The following CDYL2 variants were observed in gnomAD, a reference collection of about 807,000 sequenced individuals.
The protein encoded by CDYL2 is chromodomain Y like 2, also known as chromodomain Y-like protein 2.
In CDYL2, 23 loss-of-function variants were observed where a neutral mutation model predicts 49.4. That is an observed-to-expected ratio of 0.47 (90% CI 0.34 to 0.66). The LOEUF is 0.66. Ranked by LOEUF, CDYL2 falls within the 30% of genes least tolerant of loss-of-function variation. The pLI, the probability that CDYL2 is intolerant of heterozygous loss-of-function variation, is 0.01. For synonymous variants in CDYL2, 360 were observed against 268.8 expected (o/e 1.34, Z -3.32); for missense variants, 678 against 656.4 (o/e 1.03, Z -0.36).
chr16:80,604,965 T>G (rs563995283), intron 6 of CDYL2, among the ~76,000 whole-genome samples: 36 of 152,284 alleles, frequency 2.4e-4, no homozygotes, highest in African/African-American at 7.9e-4. Context: ...GAACGAATGG[T>G]TGTCACATAC....
intron 3 of CDYL2, among the ~76,000 whole-genome samples, chr16:80,622,557 T>G (rs1487270243): frequency 6.6e-6 from 1 of 152,204 alleles, no homozygotes; most frequent in East Asian, 1.9e-4. Flanking sequence ...TGCATCTCTC[T>G]TATTCTCCAG....
intron 1 of CDYL2, among the ~76,000 whole-genome samples, chr16:80,751,791 G>A (rs535837340): frequency 8.6e-4 from 131 of 152,360 alleles, no homozygotes; most frequent in Middle Eastern, 3.4e-3. Flanking sequence ...CTTAGGAAGA[G>A]AGGGATAATC....
chr16:80,761,647 C>T lies in CDYL2; in HGVS notation c.24+42503G>A, dbSNP rs376137579. ...CTGAGAGAGGCCAGGAAGACCAGAT[C>T]TTATAGGAGCCCCCAGGTGACTTAG... On this transcript the variant is annotated intron_variant, in intron 1 of 6. Coordinates refer to ENST00000570137, the MANE Select transcript of CDYL2 (RefSeq NM_152342.4). Among the ~76,000 whole-genome samples the T allele has an allele frequency of 4.5e-4, 68 of 152,132 alleles. No homozygotes were observed. The Middle Eastern group carries it at 0.01, about 23-fold the overall frequency.
intron 1 of CDYL2, among the ~76,000 whole-genome samples, chr16:80,753,338 G>GAA: frequency 6.6e-6 from 1 of 152,060 alleles, no homozygotes; most frequent in African/African-American, 2.4e-5. Context: ...GCCGGGCACG[G>GAA]TGGCTCACAC....
At chr16:80,705,958 A>T (rs930775412) in intron 1 of CDYL2, among the ~76,000 whole-genome samples, 4 of 152,254 alleles carry the variant, frequency 2.6e-5, no homozygotes, top group Non-Finnish European at 4.4e-5. Context: ...AAGGGAGAAA[A>T]GCATATATTG....
chr16:80,744,787 G>C (rs986233357), intron 1 of CDYL2, among the ~76,000 whole-genome samples: 3 of 152,190 alleles, frequency 2.0e-5, no homozygotes, highest in African/African-American at 7.2e-5. Context: ...CAGAGGAACA[G>C]AACGGTAATG....
chr16:80,757,547 A>ATAT (rs904058290), intron 1 of CDYL2, among the ~76,000 whole-genome samples: 8 of 145,088 alleles, frequency 5.5e-5, no homozygotes, highest in African/African-American at 1.9e-4. Flanking sequence ...TCAAAAAAAA[A>ATAT]AAAAAAATAT....
At chr16:80,700,069 C>G (rs1002301544) in intron 1 of CDYL2, among the ~76,000 whole-genome samples, 1 of 152,126 alleles carries the variant, frequency 6.6e-6, no homozygotes, top group Non-Finnish European at 1.5e-5. Context: ...CCATGTTAGC[C>G]AGGATGGTCT....
intron 2 of CDYL2, among the ~76,000 whole-genome samples, chr16:80,643,521 C>T (rs897540457): frequency 1.3e-5 from 2 of 152,244 alleles, no homozygotes; most frequent in African/African-American, 4.8e-5. Context: ...TTCTGCACGC[C>T]TTAGCAGAGG....
chr16:80,650,797 T>C (rs369893387), intron 2 of CDYL2, among the ~76,000 whole-genome samples: 1 of 151,950 alleles, frequency 6.6e-6, no homozygotes, highest in Non-Finnish European at 1.5e-5. Context: ...CATAAAAAAA[T>C]GAAATCCTGT....
chr16:80,798,023 T>C (rs1189288341), intron 1 of CDYL2, among the ~76,000 whole-genome samples: 1 of 152,284 alleles, frequency 6.6e-6, no homozygotes. Flanking sequence ...TGTTTTGTTG[T>C]TGTTGTTGTT....
chr16:80,796,474 G>T (rs1434647874), intron 1 of CDYL2, among the ~76,000 whole-genome samples: 2 of 152,124 alleles, frequency 1.3e-5, no homozygotes, highest in African/African-American at 2.4e-5. Context: ...ACTAAATGCG[G>T]CTGCAACAAA....
At chr16:80,721,871 C>A (rs928130650) in intron 1 of CDYL2, among the ~76,000 whole-genome samples, 4 of 152,152 alleles carry the variant, frequency 2.6e-5, no homozygotes, top group Non-Finnish European at 5.9e-5. Flanking sequence ...CCACCTCTCC[C>A]CAAACTCACT....
chr16:80,701,491 T>C (rs530147169), intron 1 of CDYL2, among the ~76,000 whole-genome samples: 1 of 152,324 alleles, frequency 6.6e-6, no homozygotes, highest in South Asian at 2.1e-4. Context: ...TGATTTCTGT[T>C]TTTAAAAATG....
chr16:80,763,335 G>GCATGGTT (rs1567599134), intron 1 of CDYL2, among the ~76,000 whole-genome samples: 4 of 149,508 alleles, frequency 2.7e-5, no homozygotes, highest in African/African-American at 7.4e-5. Flanking sequence ...CCAGGGCTGG[G>GCATGGTT]TGAGGTGGCT....
At position 80,798,842 on chromosome 16, in the gene CDYL2, T is replaced by C. The variant is rs142382742; in HGVS notation, c.24+5308A>G. ...AAATACATAATTGTGTTTATGGATG[T>C]TCATAACATCAATATTTATAATGGT... On this transcript the variant is annotated intron_variant, in intron 1 of 6. Coordinates refer to ENST00000570137, the MANE Select transcript of CDYL2 (RefSeq NM_152342.4). Among the ~76,000 whole-genome samples, 221 of 152,298 alleles carry C rather than the reference T, an allele frequency of 1.5e-3. 3 individuals carry two copies. In the East Asian group the frequency reaches 0.038, roughly 26 times the overall value.
At chr16:80,634,889 C>A (rs184017461) in intron 2 of CDYL2, among the ~76,000 whole-genome samples, 1 of 152,108 alleles carries the variant, frequency 6.6e-6, no homozygotes, top group African/African-American at 2.4e-5. Flanking sequence ...AAGAATTATA[C>A]CAAACATTTT....
rs140577684 is a variant in CDYL2 at position 80,696,540 on chromosome 16, C to A, written c.25-11411G>T. 2.6e-5 allele frequency among the ~76,000 whole-genome samples: 4 copies of A among 151,582 alleles called. No individual in the cohort carries two copies. The East Asian group carries it at 7.7e-4, about 29-fold the overall frequency. On this transcript the variant is annotated intron_variant, in intron 1 of 6. Coordinates refer to ENST00000570137, the MANE Select transcript of CDYL2 (RefSeq NM_152342.4). ...AAGAAGACATTACAACTGATATTAT[C>A]GAAATACAAAAAATTCTTAGAGACT...
intron 2 of CDYL2, chr16:80,679,842 A>G (rs772144639): frequency 2.2e-5 from 10 of 452,450 alleles, no homozygotes; most frequent in Non-Finnish European, 3.1e-5. Context: ...AGCAGCATCT[A>G]GGAACTTCTG....
Sources: allele counts gnomAD v4.1 joint callset (sites outside exome capture counted in the v4.1 genomes callset), GRCh38; gene constraint gnomAD v4.1.1; transcripts MANE v1.5; gene names NCBI Gene and HGNC (gene_info 2026-07-23, HGNC 2026-07-21).